NECAB2: variants seen among roughly 807,000 people sequenced by gnomAD.
NECAB2 encodes N-terminal EF-hand calcium-binding protein 2.
A neutral mutation model predicts 51.9 loss-of-function variants in NECAB2; 68 were observed. That is an observed-to-expected ratio of 1.31 (90% CI 1.08 to 1.60). The LOEUF is 1.60. Ranked by LOEUF, NECAB2 falls within the 40% of genes most tolerant of loss-of-function variation. The pLI is 0.00. For missense variants in NECAB2, 854 were observed against 490.3 expected (o/e 1.74, Z -7.00); for synonymous variants, 329 against 203.5 (o/e 1.62, Z -5.25).
chr16:84,001,743 G>T lies in NECAB2; in HGVS notation c.1041-82G>T, dbSNP rs35016623. 0.1 allele frequency: 147,803 copies of T among 1,474,566 alleles called. 17,456 individuals carry two copies. The highest frequency in any genetic ancestry group is 0.61 in the African/African-American group (42,675 of 70,430). 91.3% of individuals were successfully genotyped at this position (1,474,566 alleles called of 1,614,324 possible). ...CTTATTGATAAGCTCCCCATTTTGGGCTAGAGCTAGGATTAACAGGGGAGC... is the reference window on the plus strand; with the variant it reads ...CTTATTGATAAGCTCCCCATTTTGGTCTAGAGCTAGGATTAACAGGGGAGC... On this transcript the variant is annotated intron_variant, in intron 11 of 12. Transcript: ENST00000305202.
chr16:83,975,178 A>G (rs1814804), intron 2 of NECAB2, among the ~76,000 whole-genome samples: 3,482 of 90,798 alleles, frequency 0.038, 525 homozygotes, highest in African/African-American at 0.2. Context: ...AGGGATGGGA[A>G]CAGGTGTGCA....
intron 11 of NECAB2, 61 bp downstream of exon 11, chr16:84,000,862 C>T (rs985735777): frequency 1.9e-6 from 3 of 1,552,816 alleles, no homozygotes; most frequent in Middle Eastern, 3.7e-4. Context: ...GGGCTGTCTT[C>T]CTGGAGCCAG....
chr16:83,992,981 C>T (rs998647679), intron 6 of NECAB2, among the ~76,000 whole-genome samples: 2 of 152,230 alleles, frequency 1.3e-5, no homozygotes, highest in Non-Finnish European at 2.9e-5. Flanking sequence ...CACACTGGGT[C>T]AGCTCCATCA....
intron 10 of NECAB2, among the ~76,000 whole-genome samples, chr16:83,999,709 A>C (rs1470386843): frequency 6.6e-6 from 1 of 152,092 alleles, no homozygotes; most frequent in Non-Finnish European, 1.5e-5. Flanking sequence ...CCTGGGTCCC[A>C]TAGAGCAATG....
At chr16:84,001,537 G>T (rs1467510618) in intron 11 of NECAB2, among the ~76,000 whole-genome samples, 1 of 152,112 alleles carries the variant, frequency 6.6e-6, no homozygotes, top group East Asian at 1.9e-4. Context: ...GCAGAGGATG[G>T]CCCCACTCCT....
intron 8 of NECAB2, among the ~76,000 whole-genome samples, chr16:83,995,237 A>C (rs745717067): frequency 6.6e-6 from 1 of 152,176 alleles, no homozygotes; most frequent in Non-Finnish European, 1.5e-5. Flanking sequence ...TGCTCACAAT[A>C]TGACCATTTG....
At chr16:83,990,735 C>G in intron 6 of NECAB2, 105 bp downstream of exon 6, 2 of 1,470,762 alleles carry the variant, frequency 1.4e-6, no homozygotes, top group Non-Finnish European at 1.8e-6. Context: ...AGCTGGGTGA[C>G]CTTGGGCAAG....
At chr16:83,977,941 A>G (rs2084434640) in intron 2 of NECAB2, among the ~76,000 whole-genome samples, 1 of 152,228 alleles carries the variant, frequency 6.6e-6, no homozygotes, top group Non-Finnish European at 1.5e-5. Context: ...TGGCTCATCC[A>G]GCTGCTGGTT....
intron 11 of NECAB2, 147 bp downstream of exon 11, chr16:84,000,948 T>C: frequency 1.4e-6 from 1 of 719,006 alleles, no homozygotes; most frequent in Non-Finnish European, 2.3e-6. Context: ...CATGCTTGCG[T>C]CAGTAAACCC....
chr16:83,979,164 C>A (rs2084453614), intron 3 of NECAB2, among the ~76,000 whole-genome samples: 1 of 152,172 alleles, frequency 6.6e-6, no homozygotes, highest in Admixed American at 6.5e-5. Flanking sequence ...CACCTCCAAT[C>A]TTGCCCTTTT....
rs563006522 is a variant in NECAB2, at chr16:84,000,925, A to T, written c.1040+124A>T. The stretch of plus-strand genomic sequence containing the variant: ...AGTCCAGTCAGCAGATTCCCGAGGC[A>T]TCTACCCGCTGGCATGCTTGCGTCA... On this transcript the variant is annotated intron_variant, in intron 11 of 12. Transcript: ENST00000305202. 56 of 922,582 alleles carry T rather than the reference A, an allele frequency of 6.1e-5. No individual in the cohort carries two copies. The African/African-American group carries it at 6.8e-4, about 11-fold the overall frequency. The allele number at this position is 922,582 out of a possible 1,614,324, so 57.1% of individuals were successfully genotyped here.
chr16:83,987,341 G>A (rs2084569246), intron 5 of NECAB2, among the ~76,000 whole-genome samples: 1 of 152,092 alleles, frequency 6.6e-6, no homozygotes, highest in Admixed American at 6.5e-5. Context: ...ATTGCGTTTT[G>A]TCATTAAATC....
At chr16:84,001,365 C>A (rs530388056) in intron 11 of NECAB2, among the ~76,000 whole-genome samples, 1 of 152,094 alleles carries the variant, frequency 6.6e-6, no homozygotes, top group African/African-American at 2.4e-5. Context: ...CCATCTCCTG[C>A]TTCCCTGGTA....
intron 2 of NECAB2, among the ~76,000 whole-genome samples, chr16:83,974,231 CT>C (rs1323821605): frequency 1.3e-5 from 2 of 152,170 alleles, no homozygotes; most frequent in African/African-American, 4.8e-5. Context: ...GCCTGACTGC[CT>C]AGGCTCAAGT....
chr16:83,977,158 C>T (rs1475606776), intron 2 of NECAB2, among the ~76,000 whole-genome samples: 1 of 152,240 alleles, frequency 6.6e-6, no homozygotes, highest in African/African-American at 2.4e-5. Flanking sequence ...CCCAAGCACC[C>T]AGCTTTGAAT....
Position 84,002,406 on chromosome 16 carries a change from C to CT in NECAB2, c.*60_*61insT, listed in dbSNP as rs34037353. 207 of 1,573,060 alleles carry CT rather than the reference C, an allele frequency of 1.3e-4. No individual in the cohort carries two copies. In the African/African-American group the frequency reaches 2.4e-3, roughly 18 times the overall value. ...CCCCTTCTTCTTGTGAAGGAAATCCCGTTTTTTTCTAGACAGACACTTTGG... is the reference window on the plus strand; with the variant it reads ...CCCCTTCTTCTTGTGAAGGAAATCCCTGTTTTTTTCTAGACAGACACTTTGG... On this transcript the variant is annotated 3_prime_UTR_variant, in exon 13 of 13. Coordinates refer to ENST00000305202, the MANE Select transcript of NECAB2 (RefSeq NM_019065.3).
chr16:83,993,936 G>T (rs1385967231), intron 6 of NECAB2, among the ~76,000 whole-genome samples: 3 of 152,100 alleles, frequency 2.0e-5, no homozygotes, highest in Non-Finnish European at 4.4e-5. Context: ...GAGGGAGGGG[G>T]ACTTGGTCAC....
At position 84,000,758 on chromosome 16, in the gene NECAB2, T is replaced by G. The variant is rs1012183099; in HGVS notation, c.997T>G (p.Phe333Val). The G allele has an allele frequency of 6.2e-7, 1 of 1,613,840 alleles. No homozygotes were observed. The highest frequency in any genetic ancestry group is 1.3e-5 in the African/African-American group (1 of 75,016). The change falls in exon 11 of 13, where the codon TTT becomes GTT. Residue 333 changes from phenylalanine to valine, a missense_variant. By Grantham distance (50) the Phe-to-Val change is conservative. Coordinates refer to ENST00000305202, the MANE Select transcript of NECAB2 (RefSeq NM_019065.3). Reference sequence around the variant, plus strand: ...CGTGAGGCTCTCAGATGGCTTCACCTTTGTCATCTATGAGTTCTGGGAGAC... The same window carrying G: ...CGTGAGGCTCTCAGATGGCTTCACCGTTGTCATCTATGAGTTCTGGGAGAC... The part of the protein sequence containing the change: ...TAVRLSDGFT[F>V]VIYEFWETEE...
chr16:83,969,952 C>T (rs1451752686), intron 1 of NECAB2, among the ~76,000 whole-genome samples: 1 of 152,182 alleles, frequency 6.6e-6, no homozygotes, highest in African/African-American at 2.4e-5. Context: ...CCGGCCAGAG[C>T]AGGGGGAGCT....
Sources: allele counts gnomAD v4.1 joint callset (sites outside exome capture counted in the v4.1 genomes callset), GRCh38; gene constraint gnomAD v4.1.1; transcripts MANE v1.5; gene names NCBI Gene and HGNC (gene_info 2026-07-23, HGNC 2026-07-21).